PLCL1: variants seen among roughly 807,000 people sequenced by gnomAD.
PLCL1 encodes the protein inactive phospholipase C-like protein 1.
In PLCL1, 41 loss-of-function variants were observed where a neutral mutation model predicts 84.4. That is an observed-to-expected ratio of 0.49 (90% CI 0.38 to 0.63). The LOEUF is 0.63. Among genes scored for constraint, PLCL1 ranks in the 30% least tolerant of loss-of-function variants. The pLI, the probability that PLCL1 is intolerant of heterozygous loss-of-function variation, is 0.00. For synonymous variants in PLCL1, 490 were observed against 488.3 expected (o/e 1.00, Z -0.05); for missense variants, 1,206 against 1,367.8 (o/e 0.88, Z 1.87).
intron 1 of PLCL1, among the ~76,000 whole-genome samples, chr2:197,876,861 A>T (rs1313426168): frequency 2.6e-5 from 4 of 152,198 alleles, no homozygotes; most frequent in Non-Finnish European, 5.9e-5. Flanking sequence ...ATTAATTTTT[A>T]AAAATAGGTT....
chr2:197,922,722 G>T (rs1251878432), intron 1 of PLCL1, among the ~76,000 whole-genome samples: 8 of 108,764 alleles, frequency 7.4e-5, no homozygotes, highest in East Asian at 3.8e-4. Flanking sequence ...CAGTAGGGGC[G>T]GCCGGGCAGA....
At chr2:198,139,346 AT>A (rs1211667351) in intron 5 of PLCL1, among the ~76,000 whole-genome samples, 1 of 152,028 alleles carries the variant, frequency 6.6e-6, no homozygotes, top group Non-Finnish European at 1.5e-5. Context: ...GTCTATTGCC[AT>A]TATTTGTTTT....
chr2:197,894,129 G>C (rs1559037692), intron 1 of PLCL1, among the ~76,000 whole-genome samples: 1 of 151,930 alleles, frequency 6.6e-6, no homozygotes, highest in Non-Finnish European at 1.5e-5. Context: ...ATTGGCCAGA[G>C]AGTTGGTACA....
At chr2:198,116,340 T>G (rs148637327) in intron 5 of PLCL1, among the ~76,000 whole-genome samples, 265 of 151,942 alleles carry the variant, frequency 1.7e-3, no homozygotes, top group African/African-American at 5.6e-3. Flanking sequence ...TTTCCCACTT[T>G]TTGTAAAATG....
intron 1 of PLCL1, among the ~76,000 whole-genome samples, chr2:197,981,558 A>G (rs1690105459): frequency 6.6e-6 from 1 of 152,196 alleles, no homozygotes; most frequent in Admixed American, 6.5e-5. Flanking sequence ...ATTTAGGGCA[A>G]CTATGAAAAG....
chr2:198,128,133 A>C (rs1223417591), intron 5 of PLCL1, among the ~76,000 whole-genome samples: 2 of 152,128 alleles, frequency 1.3e-5, no homozygotes, highest in East Asian at 1.9e-4. Flanking sequence ...CTGCATTTAT[A>C]TTGTAAACCA....
Position 198,084,034 on chromosome 2 carries a change from G to C in PLCL1, c.517G>C (p.Glu173Gln), listed in dbSNP as rs1692787988. The change falls in exon 2 of 6, where the codon GAA (glutamate) becomes CAA (glutamine). Residue 173 changes from glutamate to glutamine, a missense_variant. By Grantham distance (29) the Glu-to-Gln change is conservative (BLOSUM62 2). Coordinates refer to ENST00000428675, the MANE Select transcript of PLCL1 (RefSeq NM_006226.4). ...AGAGATCAGACTGGGGAAAAACACG[G>C]AAACATTTAGAAACAATGGCCTTGC... is the stretch of plus-strand genomic sequence containing the variant. The part of the protein sequence containing the change: ...IKEIRLGKNT[E>Q]TFRNNGLADQ... 6 of 1,614,052 alleles carry C rather than the reference G, an allele frequency of 3.7e-6. No homozygotes were observed. Among genetic ancestry groups the C allele is most frequent in the Non-Finnish European group, 5.1e-6 (6 of 1,180,020 alleles).
At chr2:197,993,916 C>T (rs1317171002) in intron 1 of PLCL1, among the ~76,000 whole-genome samples, 12 of 152,182 alleles carry the variant, frequency 7.9e-5, no homozygotes, top group Non-Finnish European at 1.8e-4. Flanking sequence ...TGGAATTCCT[C>T]TTTGGTCCAC....
At chr2:198,021,082 G>A (rs1691121987) in intron 1 of PLCL1, among the ~76,000 whole-genome samples, 1 of 152,164 alleles carries the variant, frequency 6.6e-6, no homozygotes, top group African/African-American at 2.4e-5. Context: ...TTAGAATTCA[G>A]GATTCAGAAA....
chr2:198,096,517 A>G (rs1187592599), intron 3 of PLCL1, among the ~76,000 whole-genome samples: 1 of 152,150 alleles, frequency 6.6e-6, no homozygotes, highest in Non-Finnish European at 1.5e-5. Flanking sequence ...TATTTGGGTA[A>G]TATCTTAAAT....
intron 1 of PLCL1, among the ~76,000 whole-genome samples, chr2:197,811,589 A>C (rs1385755113): frequency 2.0e-5 from 3 of 152,206 alleles, no homozygotes; most frequent in Non-Finnish European, 2.9e-5. Flanking sequence ...ATCAAGGCAA[A>C]ACAACATAAA....
intron 1 of PLCL1, among the ~76,000 whole-genome samples, chr2:197,965,169 A>G (rs2105792694): frequency 6.6e-6 from 1 of 152,272 alleles, no homozygotes; most frequent in South Asian, 2.1e-4. Flanking sequence ...AAAATTCAGC[A>G]GTGATGGCAT....
At chr2:198,090,682 G>A in intron 3 of PLCL1, among the ~76,000 whole-genome samples, 1 of 152,172 alleles carries the variant, frequency 6.6e-6, no homozygotes, top group East Asian at 1.9e-4. Context: ...TAAAAATGGG[G>A]ACTGAAAGCT....
intron 1 of PLCL1, among the ~76,000 whole-genome samples, chr2:197,991,382 CA>C (rs1380967408): frequency 5.9e-5 from 9 of 152,058 alleles, no homozygotes; most frequent in Non-Finnish European, 2.9e-5. Context: ...TGGCATGAGC[CA>C]ATTACTCATA....
At chr2:197,830,130 C>T (rs545648412) in intron 1 of PLCL1, among the ~76,000 whole-genome samples, 15 of 152,164 alleles carry the variant, frequency 9.9e-5, no homozygotes, top group African/African-American at 3.6e-4. Flanking sequence ...AGGATCACAA[C>T]TCCTGGCCAG....
At chr2:197,850,678 T>C (rs1687217231) in intron 1 of PLCL1, among the ~76,000 whole-genome samples, 1 of 152,156 alleles carries the variant, frequency 6.6e-6, no homozygotes, top group Non-Finnish European at 1.5e-5. Context: ...GGTTATATTG[T>C]CTGTACAACA....
chr2:198,084,620 A>G lies in PLCL1; in HGVS notation c.1103A>G (p.Gln368Arg), dbSNP rs113185553. 0.022 allele frequency: 35,960 copies of G among 1,613,966 alleles called. 471 individuals are homozygous for G. Among genetic ancestry groups the G allele is most frequent in the Non-Finnish European group, 0.026 (31,167 of 1,179,822 alleles). Reference sequence around the variant, plus strand: ...TACGAACTTTCTGAAGAGGGACGTCAAAAAGGGTTTCTTGCAATTGATGGC... The same window carrying G: ...TACGAACTTTCTGAAGAGGGACGTCGAAAAGGGTTTCTTGCAATTGATGGC... ...RRYELSEEGR[Q>R]KGFLAIDGFT... The change falls in exon 2 of 6, where the codon CAA becomes CGA. Residue 368 changes from glutamine to arginine, a missense_variant. Transcript: ENST00000428675.
chr2:198,109,709 A>G (rs1260266354), intron 5 of PLCL1, among the ~76,000 whole-genome samples: 1 of 151,832 alleles, frequency 6.6e-6, no homozygotes, highest in East Asian at 1.9e-4. Flanking sequence ...TGACTTTTTA[A>G]GTACAAAAAG....
chr2:198,117,342 T>TG (rs918064307), intron 5 of PLCL1, among the ~76,000 whole-genome samples: 1 of 151,158 alleles, frequency 6.6e-6, no homozygotes, highest in Non-Finnish European at 1.5e-5. Context: ...TTTTTTCTTT[T>TG]TTTTTTTCAG....
Sources: allele counts gnomAD v4.1 joint callset (sites outside exome capture counted in the v4.1 genomes callset), GRCh38; gene constraint gnomAD v4.1.1; transcripts MANE v1.5; gene names NCBI Gene and HGNC (gene_info 2026-07-23, HGNC 2026-07-21).